TPRG1: variants seen among roughly 807,000 people sequenced by gnomAD.
TPRG1 encodes tumor protein p63 regulated 1, also known as tumor protein p63-regulated gene 1 protein.
A neutral mutation model predicts 29.3 loss-of-function variants in TPRG1; 29 were observed. The ratio of observed to expected loss-of-function variants is 0.99; its 90% CI spans 0.74 to 1.35. The LOEUF (loss-of-function observed/expected upper bound fraction) is 1.35. TPRG1 is among the 40% of genes most tolerant of loss of function. The probability of loss-of-function intolerance (pLI) is 0.00; values close to 1 mark genes in which losing one functional copy is unlikely to be tolerated. For missense variants in TPRG1, 327 were observed against 335.0 expected (o/e 0.98, Z 0.19); for synonymous variants, 130 against 116.8 (o/e 1.11, Z -0.73).
intron 4 of TPRG1, among the ~76,000 whole-genome samples, chr3:189,024,673 TG>T (rs1713561603): frequency 6.6e-6 from 1 of 152,296 alleles, no homozygotes; most frequent in Admixed American, 6.5e-5. Flanking sequence ...CCCTCCCTCC[TG>T]GGCACTCCGT....
intron 4 of TPRG1, among the ~76,000 whole-genome samples, chr3:189,072,861 T>C (rs115966882): frequency 1.6e-3 from 247 of 152,294 alleles, no homozygotes; most frequent in African/African-American, 5.4e-3. Flanking sequence ...TTGTTTATAA[T>C]CTACAACAGT....
intron 4 of TPRG1, among the ~76,000 whole-genome samples, chr3:189,258,878 G>A (rs1190541015): frequency 5.9e-5 from 9 of 152,164 alleles, no homozygotes; most frequent in East Asian, 3.9e-4. Flanking sequence ...GTCCCAGGTC[G>A]ACTTCAGACT....
At chr3:189,286,702 C>G (rs1208512678) in intron 4 of TPRG1, among the ~76,000 whole-genome samples, 1 of 152,106 alleles carries the variant, frequency 6.6e-6, no homozygotes, top group Non-Finnish European at 1.5e-5. Flanking sequence ...AGAGGAATGT[C>G]TCTGATCTCT....
rs115435955 is a variant in TPRG1 at position 189,058,927 on chromosome 3, G to A, written c.-463+34981G>A. 1.5e-3 allele frequency among the ~76,000 whole-genome samples: 229 copies of A among 152,218 alleles called. 1 individual carries two copies. The highest frequency in any genetic ancestry group is 5.3e-3 in the African/African-American group (221 of 41,540). Reference sequence around the variant, plus strand: ...TGCACAGATACCAGCAAGCAAGATCGAGCAAACTGAGGAATTTTCATTTAG... The same window carrying A: ...TGCACAGATACCAGCAAGCAAGATCAAGCAAACTGAGGAATTTTCATTTAG... On this transcript the variant is annotated intron_variant, in intron 4 of 10. Coordinates refer to the TPRG1 transcript ENST00000433971.
At chr3:189,275,675 G>C (rs542369089) in intron 4 of TPRG1, among the ~76,000 whole-genome samples, 1 of 152,058 alleles carries the variant, frequency 6.6e-6, no homozygotes, top group African/African-American at 2.4e-5. Flanking sequence ...AGAGATTGGG[G>C]CAAATAGGAG....
chr3:189,290,307 G>T (rs561575847), intron 4 of TPRG1, among the ~76,000 whole-genome samples: 1 of 152,196 alleles, frequency 6.6e-6, no homozygotes, highest in African/African-American at 2.4e-5. Context: ...TAACTTACAT[G>T]GTTCCCTCCT....
intron 3 of TPRG1, among the ~76,000 whole-genome samples, chr3:189,018,317 C>T (rs929431205): frequency 6.7e-6 from 1 of 149,946 alleles, no homozygotes; most frequent in African/African-American, 2.4e-5. Flanking sequence ...TGCCTATGTC[C>T]TGAATGGTAA....
At chr3:189,184,886 G>A (rs936511819) in intron 1 of TPRG1, among the ~76,000 whole-genome samples, 1 of 152,176 alleles carries the variant, frequency 6.6e-6, no homozygotes, top group Non-Finnish European at 1.5e-5. Context: ...ACAGCAGAGC[G>A]GATGGGATCT....
At chr3:189,197,052 A>G (rs1304133218) in intron 1 of TPRG1, among the ~76,000 whole-genome samples, 1 of 152,080 alleles carries the variant, frequency 6.6e-6, no homozygotes, top group East Asian at 1.9e-4. Context: ...TGATGCTGGG[A>G]AGGTAGTAAT....
chr3:189,272,656 T>C (rs1389317929), intron 4 of TPRG1, among the ~76,000 whole-genome samples: 1 of 151,950 alleles, frequency 6.6e-6, no homozygotes, highest in Admixed American at 6.6e-5. Context: ...TTTCCTTCCT[T>C]CGTTTCTTTC....
chr3:189,015,990 A>C (rs1712911919), intron 3 of TPRG1, among the ~76,000 whole-genome samples: 2 of 152,136 alleles, frequency 1.3e-5, no homozygotes, highest in African/African-American at 4.8e-5. Context: ...GAGCTGTGAG[A>C]AGAAGGCTAC....
At chr3:189,023,471 T>G (rs1272084611) in intron 3 of TPRG1, among the ~76,000 whole-genome samples, 1 of 152,238 alleles carries the variant, frequency 6.6e-6, no homozygotes, top group East Asian at 1.9e-4. Flanking sequence ...AAGTTTGTTT[T>G]TATCCATATT....
chr3:189,264,098 A>C (rs1241168631), intron 4 of TPRG1, among the ~76,000 whole-genome samples: 3 of 152,150 alleles, frequency 2.0e-5, no homozygotes, highest in Non-Finnish European at 4.4e-5. Flanking sequence ...TTCTTATCCC[A>C]ATTCTCCCTC....
At chr3:189,130,450 C>T (rs2108530513) in intron 2 of TPRG1, among the ~76,000 whole-genome samples, 1 of 152,276 alleles carries the variant, frequency 6.6e-6, no homozygotes, top group East Asian at 1.9e-4. Context: ...TAAAATGGAC[C>T]TTACAGGTAT....
chr3:189,173,339 C>CTTTTTTTTTT, intron 1 of TPRG1, among the ~76,000 whole-genome samples: 1 of 130,326 alleles, frequency 7.7e-6, no homozygotes, highest in South Asian at 2.3e-4. Context: ...TTCTTTTCTT[C>CTTTTTTTTTT]TTCTTTTTTT....
intron 4 of TPRG1, among the ~76,000 whole-genome samples, chr3:189,085,794 T>C (rs1483792432): frequency 6.6e-6 from 1 of 152,188 alleles, no homozygotes; most frequent in Non-Finnish European, 1.5e-5. Context: ...GTTATGAAAT[T>C]AATTGAAGAT....
intron 4 of TPRG1, among the ~76,000 whole-genome samples, chr3:189,070,057 G>A (rs1262475486): frequency 6.6e-6 from 1 of 152,130 alleles, no homozygotes; most frequent in African/African-American, 2.4e-5. Flanking sequence ...CTCCAGCCTG[G>A]TGACAGAGCG....
At chr3:189,108,529 C>A (rs906427802) in intron 1 of TPRG1, among the ~76,000 whole-genome samples, 17 of 148,152 alleles carry the variant, frequency 1.1e-4, no homozygotes, top group African/African-American at 3.8e-4. Flanking sequence ...TTTTTTAGAA[C>A]GTGTTTTTTT....
At chr3:189,145,426 C>T (rs114059047) in intron 3 of TPRG1, among the ~76,000 whole-genome samples, 92 of 149,524 alleles carry the variant, frequency 6.2e-4, no homozygotes, top group African/African-American at 2.1e-3. Context: ...AAAGAGATGG[C>T]GTAATATAGT....
Sources: gnomAD v4.1 joint callset for allele counts (sites outside exome capture counted in the v4.1 genomes callset) on GRCh38, gnomAD v4.1.1 for gene constraint, MANE v1.5 for transcripts, NCBI Gene and HGNC (gene_info 2026-07-23, HGNC 2026-07-21) for gene names.